The following ANP32E variants were observed in gnomAD, a reference collection of about 807,000 sequenced individuals.
The protein encoded by ANP32E is acidic nuclear phosphoprotein 32 family member E.
Under a neutral mutation model 35.3 loss-of-function variants are expected in ANP32E, and 14 were observed. The observed-to-expected ratio is 0.40, with a 90% CI of 0.26 to 0.62. ANP32E has a LOEUF of 0.62. ANP32E is among the 20% of genes least tolerant of loss of function. The probability of loss-of-function intolerance (pLI) is 0.45; values close to 1 mark genes in which losing one functional copy is unlikely to be tolerated. For missense variants in ANP32E, 198 were observed against 304.4 expected, an observed-to-expected ratio of 0.65 and a Z score of 2.60; for synonymous variants, 89 against 110.4, an observed-to-expected ratio of 0.81 and a Z score of 1.22.
intron 6 of ANP32E, among the ~76,000 whole-genome samples, chr1:150,222,857 T>A (rs1648542547): frequency 6.6e-6 from 1 of 152,010 alleles, no homozygotes; most frequent in Non-Finnish European, 1.5e-5. Context: ...GCTCCTCTCT[T>A]ATAAGATAAG....
At chr1:150,222,296 A>G (rs1553838346) in intron 6 of ANP32E, among the ~76,000 whole-genome samples, 1 of 151,078 alleles carries the variant, frequency 6.6e-6, no homozygotes, top group African/African-American at 2.4e-5. Context: ...GGCGGCGCCT[A>G]TAGTCCCAGC....
chr1:150,235,726 A>T lies in ANP32E; in HGVS notation c.54+7T>A, dbSNP rs1649728712. ...ATGGGGAAGCGGTGGGGGCTGAGTCATCTCACCTCCTCCGGGGATCTGTTC... is the reference window on the plus strand; with the variant it reads ...ATGGGGAAGCGGTGGGGGCTGAGTCTTCTCACCTCCTCCGGGGATCTGTTC... On this transcript the variant is annotated splice_region_variant and intron_variant, in intron 1 of 6. Transcript: ENST00000583931. The surrounding 1 kb of genome is among the most constrained non-coding windows in gnomAD (Gnocchi z 4.2). 3 of 1,613,532 alleles carry T rather than the reference A, an allele frequency of 1.9e-6. No homozygotes were observed. Among genetic ancestry groups the T allele is most frequent in the African/African-American group, 2.7e-5 (2 of 74,878 alleles).
rs1425960581 is a variant in ANP32E, at chr1:150,221,149, GA to G, written c.737-389del. Reference sequence around the variant, plus strand: ...AAAAAAAAAAACGTTAATGGCAGAAGAAAATTGGCCAGGTAAGGTGGCTCAC... The same window carrying G: ...AAAAAAAAAAACGTTAATGGCAGAAGAAATTGGCCAGGTAAGGTGGCTCAC... On this transcript the variant is annotated intron_variant, in intron 6 of 6. Transcript: ENST00000583931. 2.2e-5 allele frequency among the ~76,000 whole-genome samples: 3 copies of G among 134,070 alleles called. No individual in the cohort carries two copies. The East Asian group carries it at 6.5e-4, about 29-fold the overall frequency. The allele number at this position is 134,070 out of a possible 152,430, so 88.0% of individuals were successfully genotyped here.
chr1:150,230,728 T>C, intron 2 of ANP32E, 35 bp from the exon 3 acceptor site: 1 of 1,575,666 alleles, frequency 6.3e-7, no homozygotes, highest in Non-Finnish European at 8.6e-7. Flanking sequence ...CAAAGAATGG[T>C]AAAGGTATCA....
At chr1:150,222,857 TATAAG>T (rs1437729403) in intron 6 of ANP32E, among the ~76,000 whole-genome samples, 13 of 152,128 alleles carry the variant, frequency 8.5e-5, no homozygotes, top group Admixed American at 4.6e-4. Context: ...GCTCCTCTCT[TATAAG>T]ATAAGGCTTC....
intron 6 of ANP32E, among the ~76,000 whole-genome samples, chr1:150,222,600 A>T (rs1648519203): frequency 6.6e-6 from 1 of 151,058 alleles, no homozygotes; most frequent in African/African-American, 2.4e-5. Context: ...AAAAAAAAAC[A>T]TACAGAAATT....
chr1:150,222,224 A>T (rs1428849327), intron 6 of ANP32E, among the ~76,000 whole-genome samples: 1 of 151,248 alleles, frequency 6.6e-6, no homozygotes, highest in Non-Finnish European at 1.5e-5. Context: ...ATCGAGAGCA[A>T]CCTTGCTAAC....
rs587729277 is a variant in ANP32E, at chr1:150,218,608, C to T, written c.*2083G>A. 2.0e-5 allele frequency: 3 copies of T among 152,684 alleles called. No homozygotes were observed. Among genetic ancestry groups the T allele is most frequent in the Admixed American group, 2.0e-4 (3 of 15,288 alleles). The allele number at this position is 152,684 out of a possible 1,614,324, so 9.5% of individuals were successfully genotyped here. On this transcript the variant is annotated 3_prime_UTR_variant, in exon 7 of 7. Transcript: ENST00000583931. ...AAACACAGTTGCACAAAAGTATTAA[C>T]TTCAAAGTTTTTAAGGAGATTCTTG...
chr1:150,223,441 G>A (rs1648600383), intron 5 of ANP32E: 6 of 569,220 alleles, frequency 1.1e-5, no homozygotes, highest in East Asian at 3.4e-5. Flanking sequence ...AGTACTTTGG[G>A]AGGCCAAGGC....
intron 1 of ANP32E, chr1:150,234,743 T>C: frequency 1.1e-6 from 1 of 901,176 alleles, no homozygotes; most frequent in Non-Finnish European, 1.3e-6. Context: ...ACCCGCGTTG[T>C]CCTCGCGCCT....
chr1:150,230,040 A>G (rs1649231815), intron 3 of ANP32E, among the ~76,000 whole-genome samples: 1 of 151,948 alleles, frequency 6.6e-6, no homozygotes, highest in African/African-American at 2.4e-5. Context: ...GCTAATTTTT[A>G]TTTTTTATTT....
chr1:150,224,087 G>A (rs1380064989), intron 5 of ANP32E, among the ~76,000 whole-genome samples: 7 of 152,046 alleles, frequency 4.6e-5, no homozygotes, highest in African/African-American at 1.7e-4. Context: ...TATACAATCA[G>A]TTGAAATAAA....
intron 2 of ANP32E, 137 bp from the exon 3 acceptor site, chr1:150,230,830 C>T: frequency 1.4e-6 from 1 of 694,650 alleles, no homozygotes; most frequent in South Asian, 2.2e-5. Context: ...CAACCTCCGC[C>T]TCCTGGGTTC....
At chr1:150,233,872 G>C (rs1256145508) in intron 1 of ANP32E, among the ~76,000 whole-genome samples, 2 of 152,086 alleles carry the variant, frequency 1.3e-5, no homozygotes, top group African/African-American at 4.8e-5. Context: ...GAAGGACTGT[G>C]AATTGGTTCT....
At chr1:150,226,007 G>GCTT (rs1553839806) in intron 5 of ANP32E, among the ~76,000 whole-genome samples, 9 of 138,362 alleles carry the variant, frequency 6.5e-5, no homozygotes, top group African/African-American at 2.4e-4. Context: ...GATATAACCT[G>GCTT]TTTTTTTTTT....
intron 2 of ANP32E, 53 bp from the exon 3 acceptor site, chr1:150,230,746 C>CTTTTT (rs11412482): frequency 4.0e-4 from 497 of 1,237,182 alleles, no homozygotes; most frequent in South Asian, 1.1e-3. Context: ...TCATATCAAA[C>CTTTTT]TTTTTTTTTT....
intron 6 of ANP32E, 122 bp from the exon 7 acceptor site, chr1:150,220,883 C>T (rs1293409540): frequency 1.3e-6 from 1 of 769,800 alleles, no homozygotes; most frequent in East Asian, 2.8e-5. Flanking sequence ...ACCTGTAATC[C>T]CAGCACTTTG....
intron 5 of ANP32E, among the ~76,000 whole-genome samples, chr1:150,226,069 G>C (rs1056993951): frequency 1.1e-4 from 16 of 145,870 alleles, no homozygotes; most frequent in Admixed American, 1.1e-3. Context: ...GCAGAGGCAC[G>C]ATCTCAGCTC....
At chr1:150,233,746 A>T (rs1553842510) in intron 1 of ANP32E, among the ~76,000 whole-genome samples, 2 of 152,154 alleles carry the variant, frequency 1.3e-5, no homozygotes, top group Non-Finnish European at 2.9e-5. Flanking sequence ...TTTGAATATG[A>T]TTTTGACATA....
Sources: allele counts gnomAD v4.1 joint callset (sites outside exome capture counted in the v4.1 genomes callset), GRCh38; gene constraint gnomAD v4.1.1; non-coding constraint Gnocchi (gnomAD v3.1); transcripts MANE v1.5; gene names NCBI Gene and HGNC (gene_info 2026-07-23, HGNC 2026-07-21).